CDKAL1: variants seen among roughly 807,000 people sequenced by gnomAD.
CDKAL1 encodes the protein threonylcarbamoyladenosine tRNA methylthiotransferase.
A neutral mutation model predicts 68.2 loss-of-function variants in CDKAL1; 32 were observed. That is an observed-to-expected ratio of 0.47 (90% CI 0.35 to 0.63). The LOEUF (loss-of-function observed/expected upper bound fraction) is 0.63, where lower values mean the gene tolerates loss of function less well. Among genes scored for constraint, CDKAL1 ranks in the 30% least tolerant of loss-of-function variants. CDKAL1 has a pLI of 0.00. For missense variants in CDKAL1, 606 were observed against 696.7 expected (o/e 0.87, Z 1.47); for synonymous variants, 234 against 244.3 (o/e 0.96, Z 0.39).
At chr6:20,771,727 C>A (rs915235907) in intron 7 of CDKAL1, among the ~76,000 whole-genome samples, 1 of 152,094 alleles carries the variant, frequency 6.6e-6, no homozygotes, top group Non-Finnish European at 1.5e-5. Context: ...AGGGAATTCT[C>A]ATGTGAGTTG....
At chr6:20,726,354 C>T (rs1438808695) in intron 5 of CDKAL1, among the ~76,000 whole-genome samples, 1 of 152,132 alleles carries the variant, frequency 6.6e-6, no homozygotes, top group Non-Finnish European at 1.5e-5. Flanking sequence ...GTATATACCT[C>T]ACATGTACTG....
At chr6:20,957,352 G>A (rs1324871290) in intron 10 of CDKAL1, among the ~76,000 whole-genome samples, 1 of 152,182 alleles carries the variant, frequency 6.6e-6, no homozygotes, top group African/African-American at 2.4e-5. Context: ...GATTGCAGCA[G>A]CTAATACTGT....
chr6:20,787,250 T>C (rs1775713745), intron 8 of CDKAL1, among the ~76,000 whole-genome samples: 3 of 152,136 alleles, frequency 2.0e-5, no homozygotes. Context: ...TTCTTGAATT[T>C]ATTATCATTT....
intron 4 of CDKAL1, among the ~76,000 whole-genome samples, chr6:20,556,715 A>G (rs780767431): frequency 1.3e-5 from 2 of 152,090 alleles, no homozygotes; most frequent in Non-Finnish European, 2.9e-5. Context: ...CAAAATGTTA[A>G]CTTAGGCCTT....
chr6:21,029,518 A>G (rs60780784), intron 11 of CDKAL1, among the ~76,000 whole-genome samples: 2,737 of 152,312 alleles, frequency 0.018, 76 homozygotes, highest in African/African-American at 0.06. Flanking sequence ...GCACAGCAAA[A>G]GAAACTATCA....
At chr6:20,871,243 G>A (rs1313912160) in intron 9 of CDKAL1, among the ~76,000 whole-genome samples, 1 of 152,172 alleles carries the variant, frequency 6.6e-6, no homozygotes, top group East Asian at 1.9e-4. Context: ...CGTGATATAT[G>A]TGCTTCTTTA....
At chr6:20,799,236 G>A (rs1007407792) in intron 8 of CDKAL1, among the ~76,000 whole-genome samples, 1 of 151,762 alleles carries the variant, frequency 6.6e-6, no homozygotes, top group African/African-American at 2.4e-5. Flanking sequence ...ATTTTTAGTA[G>A]AGACGGGGTT....
chr6:20,616,038 A>G (rs1387767984), intron 4 of CDKAL1, among the ~76,000 whole-genome samples: 26 of 148,568 alleles, frequency 1.8e-4, no homozygotes, highest in African/African-American at 5.9e-4. Context: ...TAAATAGGGA[A>G]TCCTTTCCCC....
At chr6:20,968,271 A>G (rs1377616750) in intron 10 of CDKAL1, among the ~76,000 whole-genome samples, 3 of 149,476 alleles carry the variant, frequency 2.0e-5, no homozygotes, top group Non-Finnish European at 4.4e-5. Flanking sequence ...CACTTCTCTC[A>G]TGTCAGCATC....
intron 11 of CDKAL1, among the ~76,000 whole-genome samples, chr6:21,015,772 C>G (rs1440842371): frequency 6.6e-6 from 1 of 151,766 alleles, no homozygotes; most frequent in Admixed American, 6.6e-5. Flanking sequence ...ACTAAAAATA[C>G]AAAAATTAGC....
chr6:21,196,488 C>T (rs1384545926), intron 13 of CDKAL1, among the ~76,000 whole-genome samples: 1 of 152,088 alleles, frequency 6.6e-6, no homozygotes. Flanking sequence ...TGAAAAGAGT[C>T]TTTAGTAAGT....
chr6:21,188,496 G>T (rs1778104910), intron 13 of CDKAL1, among the ~76,000 whole-genome samples: 1 of 152,196 alleles, frequency 6.6e-6, no homozygotes, highest in Non-Finnish European at 1.5e-5. Flanking sequence ...TAGATCAAGA[G>T]GGTGGAAGTG....
chr6:20,954,643 T>A (rs1447646658), intron 9 of CDKAL1, among the ~76,000 whole-genome samples: 1 of 151,962 alleles, frequency 6.6e-6, no homozygotes, highest in Non-Finnish European at 1.5e-5. Flanking sequence ...GTTTTATTCA[T>A]TTTAAATAAC....
rs57042223 is a variant in CDKAL1 at position 20,909,185 on chromosome 6, A to ATGTG, written c.743-46204_743-46201dup. On this transcript the variant is annotated intron_variant, in intron 9 of 15. Coordinates refer to ENST00000274695, the MANE Select transcript of CDKAL1 (RefSeq NM_017774.3). ...TATGTATCTATATATGTGTGCATGTATGTGTGTGTGTGTGTGTGTGTGTGT... is the reference window on the plus strand; with the variant it reads ...TATGTATCTATATATGTGTGCATGTATGTGTGTGTGTGTGTGTGTGTGTGTGTGT... Among the ~76,000 whole-genome samples the ATGTG allele has an allele frequency of 4.7e-3, 564 of 119,302 alleles. 4 individuals are homozygous for ATGTG. Among genetic ancestry groups the ATGTG allele is most frequent in the African/African-American group, 0.015 (511 of 33,710 alleles). 78.3% of individuals were successfully genotyped at this position (119,302 alleles called of 152,430 possible). A position where few individuals can be genotyped will look rare whatever the true frequency, so the allele number is the denominator to read the frequency against.
At chr6:20,730,837 C>A (rs1772887030) in intron 5 of CDKAL1, among the ~76,000 whole-genome samples, 1 of 105,080 alleles carries the variant, frequency 9.5e-6, no homozygotes, top group African/African-American at 3.5e-5. Context: ...AAGCAAGACT[C>A]CGTCTCAAAA....
intron 12 of CDKAL1, among the ~76,000 whole-genome samples, chr6:21,072,554 CAAAAAAAAAAAA>C (rs71540611): frequency 4.5e-5 from 2 of 44,486 alleles, no homozygotes; most frequent in Admixed American, 3.2e-4. Flanking sequence ...GACTCCGTCT[CAAAAAAAAAAAA>C]AAAAAAAAAA....
chr6:21,107,049 G>T (rs984578502), intron 12 of CDKAL1, among the ~76,000 whole-genome samples: 2 of 149,428 alleles, frequency 1.3e-5, no homozygotes, highest in African/African-American at 4.9e-5. Flanking sequence ...CCGGGTTCAC[G>T]CCATTCTCCT....
chr6:21,188,590 T>C (rs1467169267), intron 13 of CDKAL1, among the ~76,000 whole-genome samples: 1 of 152,222 alleles, frequency 6.6e-6, no homozygotes, highest in Non-Finnish European at 1.5e-5. Flanking sequence ...CCATGGGCCC[T>C]TTCCATGAAT....
At chr6:20,660,175 T>C (rs953552048) in intron 5 of CDKAL1, among the ~76,000 whole-genome samples, 12 of 152,176 alleles carry the variant, frequency 7.9e-5, no homozygotes, top group African/African-American at 2.9e-4. Flanking sequence ...CCATGCTAGT[T>C]CTTTATCCCA....
Sources: allele counts gnomAD v4.1 joint callset (sites outside exome capture counted in the v4.1 genomes callset), GRCh38; gene constraint gnomAD v4.1.1; transcripts MANE v1.5; gene names NCBI Gene and HGNC (gene_info 2026-07-23, HGNC 2026-07-21).